ANK2: variants seen among roughly 807,000 people sequenced by gnomAD.
ANK2 encodes ankyrin 2.
A neutral mutation model predicts 360.5 loss-of-function variants in ANK2; 83 were observed. The ratio of observed to expected loss-of-function variants is 0.23; its 90% CI spans 0.19 to 0.28. The LOEUF is 0.28. ANK2 is among the 10% of genes least tolerant of loss of function. The probability of loss-of-function intolerance (pLI) is 1.00; values close to 1 mark genes in which losing one functional copy is unlikely to be tolerated. For synonymous variants in ANK2, 1,740 were observed against 1,759.5 expected, an observed-to-expected ratio of 0.99 and a Z score of 0.28; for missense variants, 4,201 against 4,795.7, an observed-to-expected ratio of 0.88 and a Z score of 3.66.
chr4:113,186,254 G>T (rs1388990889), intron 2 of ANK2, among the ~76,000 whole-genome samples: 1 of 152,142 alleles, frequency 6.6e-6, no homozygotes, highest in African/African-American at 2.4e-5. Flanking sequence ...TGATACCCAG[G>T]CAAACGATCT....
At chr4:112,855,304 G>A (rs953938127) in intron 1 of ANK2, among the ~76,000 whole-genome samples, 2 of 152,186 alleles carry the variant, frequency 1.3e-5, no homozygotes, top group African/African-American at 4.8e-5. Flanking sequence ...ATACTGAAGT[G>A]TTGCCAACAC....
intron 10 of ANK2, among the ~76,000 whole-genome samples, chr4:113,250,786 A>G (rs1563174041): frequency 8.1e-6 from 1 of 123,436 alleles, no homozygotes; most frequent in African/African-American, 2.9e-5. Flanking sequence ...GGTATCAACT[A>G]ATGCTATTAC....
intron 1 of ANK2, among the ~76,000 whole-genome samples, chr4:113,051,228 A>G (rs2066857794): frequency 6.6e-6 from 1 of 152,186 alleles, no homozygotes; most frequent in South Asian, 2.1e-4. Flanking sequence ...AGAAAGAAAA[A>G]AAGGAATTTT....
intron 4 of ANK2, among the ~76,000 whole-genome samples, chr4:113,223,393 C>A (rs941347826): frequency 6.6e-6 from 1 of 152,120 alleles, no homozygotes; most frequent in Admixed American, 6.5e-5. Flanking sequence ...GAACCCAGAT[C>A]TTTCTGTAAC....
intron 23 of ANK2, among the ~76,000 whole-genome samples, chr4:113,308,873 A>G (rs1255377456): frequency 6.6e-6 from 1 of 151,696 alleles, no homozygotes; most frequent in East Asian, 1.9e-4. Context: ...CAATGTATCT[A>G]GGAAGTTGGG....
chr4:112,923,294 G>A (rs377378573), intron 2 of ANK2, among the ~76,000 whole-genome samples: 2 of 152,142 alleles, frequency 1.3e-5, no homozygotes, highest in African/African-American at 4.8e-5. Context: ...TTGTTTCATT[G>A]CCTTTTTCAA....
At chr4:112,826,891 G>A (rs2058529690) in intron 1 of ANK2, 1 of 1,507,686 alleles carries the variant, frequency 6.6e-7, no homozygotes, top group Non-Finnish European at 9.2e-7. Flanking sequence ...TCTATGGCAG[G>A]GGTCAACCTT....
intron 1 of ANK2, among the ~76,000 whole-genome samples, chr4:113,072,488 A>G (rs1326002998): frequency 3.9e-5 from 6 of 152,178 alleles, no homozygotes; most frequent in Non-Finnish European, 5.9e-5. Context: ...TTCCTGCCGG[A>G]CTGGTCTTTG....
chr4:112,792,244 T>C, the ANK2 span, among the ~76,000 whole-genome samples: 2 of 152,040 alleles, frequency 1.3e-5, no homozygotes, highest in African/African-American at 4.8e-5. Context: ...TTACTCCATG[T>C]TGGTCAGGCT....
At chr4:112,816,926 A>G (rs1047109778), upstream of ANK2, among the ~76,000 whole-genome samples, 5 of 152,146 alleles carry the variant, frequency 3.3e-5, no homozygotes, top group African/African-American at 1.2e-4. Context: ...CAGGAGAATC[A>G]CTTGAACCCG....
At chr4:112,794,612 G>A in the ANK2 span, among the ~76,000 whole-genome samples, 3 of 152,130 alleles carry the variant, frequency 2.0e-5, no homozygotes, top group Non-Finnish European at 4.4e-5. Flanking sequence ...TCATCTATAT[G>A]AGTTTGTTGC....
intron 2 of ANK2, among the ~76,000 whole-genome samples, chr4:112,910,037 A>G (rs187696406): frequency 6.6e-6 from 1 of 152,124 alleles, no homozygotes; most frequent in African/African-American, 2.4e-5. Context: ...AAAATTTTGC[A>G]AACAAATAAA....
intron 2 of ANK2, among the ~76,000 whole-genome samples, chr4:113,178,528 C>A (rs533528874): frequency 6.7e-6 from 1 of 148,920 alleles, no homozygotes; most frequent in Non-Finnish European, 1.5e-5. Flanking sequence ...GCCAAGATTG[C>A]GCCACTGCAC....
rs1314853335 is a variant in ANK2 at position 113,354,336 on chromosome 4, T to C, written c.5718T>C (p.Pro1906=). The C allele has an allele frequency of 6.2e-7, 1 of 1,614,108 alleles. No individual in the cohort carries two copies. Among genetic ancestry groups the C allele is most frequent in the Admixed American group, 1.7e-5 (1 of 60,020 alleles). Residue 1906 remains proline (P), a synonymous_variant, in exon 38 of 46, where the codon CCT becomes CCC. Coordinates refer to ENST00000357077, the MANE Select transcript of ANK2 (RefSeq NM_001148.6). ...TKTERHPPVS[P]SGKTDKRPPV... is the part of the protein sequence containing the mutation. ...CAGAAAGACACCCACCTGTTTCGCC[T>C]TCAGGCAAAACAGACAAACGTCCAC...
intron 1 of ANK2, among the ~76,000 whole-genome samples, chr4:113,103,237 T>G (rs555526065): frequency 6.6e-6 from 1 of 152,164 alleles, no homozygotes; most frequent in Non-Finnish European, 1.5e-5. Context: ...TAATGTGGAA[T>G]GCAAATACTA....
intron 1 of ANK2, among the ~76,000 whole-genome samples, chr4:112,895,101 C>T (rs968127175): frequency 6.6e-6 from 1 of 152,154 alleles, no homozygotes; most frequent in African/African-American, 2.4e-5. Flanking sequence ...GGTAAATGGC[C>T]TAAGGGTAAC....
chr4:113,381,057 T>C (rs975621220), intron 45 of ANK2, among the ~76,000 whole-genome samples: 1 of 152,216 alleles, frequency 6.6e-6, no homozygotes, highest in Non-Finnish European at 1.5e-5. Context: ...AAAAAGGTTT[T>C]TTTAGCCTGT....
chr4:113,081,811 ATT>A (rs34896741), intron 1 of ANK2, among the ~76,000 whole-genome samples: 9 of 143,338 alleles, frequency 6.3e-5, no homozygotes, highest in South Asian at 4.4e-4. Context: ...GAAAACACGT[ATT>A]TTTTTTTTTT....
chr4:113,369,752 G>A lies in ANK2; in HGVS notation c.11557G>A (p.Asp3853Asn), dbSNP rs754642933. 59 of 1,613,948 alleles carry A rather than the reference G, an allele frequency of 3.7e-5. No homozygotes were observed. Among genetic ancestry groups the A allele is most frequent in the Non-Finnish European group, 4.5e-5 (53 of 1,180,002 alleles). ...CAGCCTCGTAATAGTGGAGTCTGCC[G>A]ATAACCAGCCTGAGACCTGTGAAAG... is the stretch of plus-strand genomic sequence containing the variant. ...KTSLVIVESA[D>N]NQPETCERLD... The change falls in exon 43 of 46, where the codon GAT becomes AAT. Residue 3853 changes from aspartate to asparagine, a missense_variant. By Grantham distance (23) the Asp-to-Asn change is conservative (BLOSUM62 1). This residue lies in a region of ANK2 where 2,642 missense variants were observed against 2,714.5 expected (regional missense o/e 0.97). Coordinates refer to ENST00000357077, the MANE Select transcript of ANK2 (RefSeq NM_001148.6).
Sources: allele counts gnomAD v4.1 joint callset (sites outside exome capture counted in the v4.1 genomes callset), GRCh38; gene constraint gnomAD v4.1.1; regional missense constraint gnomAD v4.1.1; transcripts MANE v1.5; gene names NCBI Gene and HGNC (gene_info 2026-07-23, HGNC 2026-07-21).